The following SDK1 variants were observed in gnomAD, a reference collection of about 807,000 sequenced individuals.
SDK1 encodes protein sidekick-1.
Under a neutral mutation model 245.5 loss-of-function variants are expected in SDK1, and 157 were observed. The observed-to-expected ratio is 0.64, with a 90% CI of 0.56 to 0.73. The LOEUF is 0.73. Ranked by LOEUF, SDK1 falls within the 30% of genes least tolerant of loss-of-function variation. The pLI, the probability that SDK1 is intolerant of heterozygous loss-of-function variation, is 0.00. For synonymous variants in SDK1, 1,647 were observed against 1,278.5 expected (o/e 1.29, Z -6.15); for missense variants, 3,583 against 3,002.3 (o/e 1.19, Z -4.52).
chr7:3,587,310 T>A (rs1780722986), intron 1 of SDK1, among the ~76,000 whole-genome samples: 1 of 151,892 alleles, frequency 6.6e-6, no homozygotes, highest in African/African-American at 2.4e-5. Context: ...CGTGTGTGTG[T>A]GTGTGTGTGT....
At chr7:3,999,287 C>T (rs1296949546) in intron 14 of SDK1, among the ~76,000 whole-genome samples, 1 of 152,222 alleles carries the variant, frequency 6.6e-6, no homozygotes, top group Non-Finnish European at 1.5e-5. Flanking sequence ...GCAAATTGCG[C>T]ATCCACTCCC....
At chr7:3,566,828 C>T (rs1779935652) in intron 1 of SDK1, among the ~76,000 whole-genome samples, 1 of 151,704 alleles carries the variant, frequency 6.6e-6, no homozygotes, top group Admixed American at 6.6e-5. Context: ...AGGAAGAAAT[C>T]TTCAAGCTCA....
At chr7:4,091,245 C>G (rs1174300265) in intron 22 of SDK1, among the ~76,000 whole-genome samples, 2 of 151,762 alleles carry the variant, frequency 1.3e-5, no homozygotes, top group Non-Finnish European at 2.9e-5. Flanking sequence ...TTTTCTATAT[C>G]TACAAAGGCA....
intron 1 of SDK1, among the ~76,000 whole-genome samples, chr7:3,304,695 A>G (rs1378769514): frequency 6.6e-6 from 1 of 152,142 alleles, no homozygotes; most frequent in African/African-American, 2.4e-5. Context: ...TTTGCTTTCC[A>G]TGTGATTATA....
chr7:3,760,811 A>G lies in SDK1; in HGVS notation c.714-60639A>G, dbSNP rs372945055. 7.2e-5 allele frequency among the ~76,000 whole-genome samples: 11 copies of G among 152,232 alleles called. No individual in the cohort carries two copies. The East Asian group carries it at 9.6e-4, about 13-fold the overall frequency. The stretch of plus-strand genomic sequence containing the variant: ...CATTAGGATCATACGGCACGTAGCC[A>G]TCTGGGTGTTTAACTTAGCAGAAAG... On this transcript the variant is annotated intron_variant, in intron 4 of 44. Coordinates refer to ENST00000404826, the MANE Select transcript of SDK1 (RefSeq NM_152744.4).
intron 35 of SDK1, among the ~76,000 whole-genome samples, chr7:4,182,884 C>A (rs540792382): frequency 9.2e-5 from 14 of 152,336 alleles, no homozygotes; most frequent in African/African-American, 3.4e-4. Flanking sequence ...CAGCAGGCTC[C>A]TCCTGCCTGC....
At chr7:3,915,690 A>G (rs1779350305) in intron 5 of SDK1, among the ~76,000 whole-genome samples, 1 of 152,152 alleles carries the variant, frequency 6.6e-6, no homozygotes, top group Non-Finnish European at 1.5e-5. Flanking sequence ...TAATACATAC[A>G]CTAACCAAGC....
chr7:3,940,832 T>TA (rs1429393170), intron 5 of SDK1, among the ~76,000 whole-genome samples: 1 of 151,644 alleles, frequency 6.6e-6, no homozygotes, highest in African/African-American at 2.4e-5. Context: ...GTAAATTAAT[T>TA]AAAAAAATAA....
At chr7:4,010,848 T>C in intron 14 of SDK1, 118 bp from the exon 15 acceptor site, 1 of 1,032,914 alleles carries the variant, frequency 9.7e-7, no homozygotes, top group Non-Finnish European at 1.4e-6. Flanking sequence ...GCTTTCCTTC[T>C]CCTAGAGCTG....
intron 1 of SDK1, among the ~76,000 whole-genome samples, chr7:3,310,833 G>T (rs750298912): frequency 4.6e-5 from 7 of 152,082 alleles, no homozygotes; most frequent in Non-Finnish European, 8.8e-5. Context: ...TGCATCCTTG[G>T]GTTGGCTACT....
At chr7:3,452,163 T>C (rs189615067) in intron 1 of SDK1, among the ~76,000 whole-genome samples, 3 of 152,336 alleles carry the variant, frequency 2.0e-5, no homozygotes, top group East Asian at 1.9e-4. Context: ...TCAGTGTGTT[T>C]GGGGCTTTTG....
rs146482567 is a variant in SDK1 at position 4,245,707 on chromosome 7, C to T, written c.6283C>T (p.His2095Tyr). Residue 2095 changes from histidine to tyrosine, a missense_variant, in exon 44 of 45, where the codon CAC (histidine) becomes TAC (tyrosine). Physicochemically the swap from His to Tyr is moderately conservative, Grantham distance 83 (BLOSUM62 2). Coordinates refer to ENST00000404826, the MANE Select transcript of SDK1 (RefSeq NM_152744.4). The stretch of plus-strand genomic sequence containing the variant: ...ACCCCGGCCTAGCCCCGGCGGCCTG[C>T]ACTACTCAGACGAGGACATCTGCAA... Reference protein sequence around the residue: ...SPPRPSPGGLHYSDEDICNKY... With the variant: ...SPPRPSPGGLYYSDEDICNKY... The T allele has an allele frequency of 6.2e-7, 1 of 1,613,968 alleles. No homozygotes were observed. Among genetic ancestry groups the T allele is most frequent in the African/African-American group, 1.3e-5 (1 of 74,928 alleles).
chr7:3,365,839 CCA>C, intron 1 of SDK1, among the ~76,000 whole-genome samples: 1 of 149,440 alleles, frequency 6.7e-6, no homozygotes, highest in South Asian at 2.1e-4. Context: ...GAGTTTGAGA[CCA>C]GCCTGGCCAA....
chr7:3,682,917 A>G (rs973321677), intron 4 of SDK1, among the ~76,000 whole-genome samples: 2 of 152,080 alleles, frequency 1.3e-5, no homozygotes, highest in Non-Finnish European at 2.9e-5. Flanking sequence ...TACTTTTAGT[A>G]GAGACGGGGT....
chr7:3,741,832 A>T (rs1019574203), intron 4 of SDK1, among the ~76,000 whole-genome samples: 1 of 151,982 alleles, frequency 6.6e-6, no homozygotes, highest in Non-Finnish European at 1.5e-5. Flanking sequence ...ACACACATAG[A>T]TGCTTGTGTG....
chr7:3,477,235 G>T (rs1158141257), intron 1 of SDK1, among the ~76,000 whole-genome samples: 5 of 114,360 alleles, frequency 4.4e-5, no homozygotes, highest in East Asian at 5.2e-4. Context: ...TTGCTCTGTC[G>T]CTCAGGCTGG....
intron 4 of SDK1, among the ~76,000 whole-genome samples, chr7:3,655,501 A>ATATGTATG (rs1283673481): frequency 0.011 from 568 of 52,590 alleles, 7 homozygotes; most frequent in African/African-American, 0.012. Context: ...ATATATATAT[A>ATATGTATG]TATGTATGTA....
At chr7:3,930,797 AAAAG>A (rs1371309794) in intron 5 of SDK1, among the ~76,000 whole-genome samples, 1 of 148,906 alleles carries the variant, frequency 6.7e-6, no homozygotes, top group African/African-American at 2.6e-5. Flanking sequence ...TGTCTCACCG[AAAAG>A]AAAAGAAAAG....
chr7:3,725,650 C>T (rs761504898), intron 4 of SDK1, among the ~76,000 whole-genome samples: 3 of 152,212 alleles, frequency 2.0e-5, no homozygotes, highest in Admixed American at 2.0e-4. Flanking sequence ...GCTGGCCAAG[C>T]TGGAAAAATA....
Sources: gnomAD v4.1 joint callset for allele counts (sites outside exome capture counted in the v4.1 genomes callset) on GRCh38, gnomAD v4.1.1 for gene constraint, MANE v1.5 for transcripts, NCBI Gene and HGNC (gene_info 2026-07-23, HGNC 2026-07-21) for gene names.